PPRC1: variants seen among roughly 807,000 people sequenced by gnomAD.
PPRC1 encodes peroxisome proliferator-activated receptor gamma coactivator-related protein 1.
PPRC1 carries 23 observed loss-of-function variants against 132.5 expected under a neutral mutation model. The observed-to-expected ratio is 0.17, with a 90% CI of 0.12 to 0.25. The LOEUF is 0.25. Among genes scored for constraint, PPRC1 ranks in the 10% least tolerant of loss-of-function variants. The pLI is 1.00. For synonymous variants in PPRC1, 872 were observed against 833.5 expected (o/e 1.05, Z -0.80); for missense variants, 2,006 against 2,089.1 (o/e 0.96, Z 0.78).
At chr10:102,131,348 A>C (rs904142813), upstream of PPRC1, among the ~76,000 whole-genome samples, 1 of 151,788 alleles carries the variant, frequency 6.6e-6, no homozygotes, top group Non-Finnish European at 1.5e-5. Flanking sequence ...CGCACTCCAC[A>C]CTGCAGCCCT....
At chr10:102,129,192 A>G (rs545420317), upstream of PPRC1, among the ~76,000 whole-genome samples, 180 of 152,198 alleles carry the variant, frequency 1.2e-3, 1 homozygote, top group Non-Finnish European at 1.2e-3. Context: ...CGGCCTCCCA[A>G]AGTGCTGGGA....
At position 102,137,874 on chromosome 10, in the gene PPRC1, G is replaced by A; in HGVS notation, c.178G>A (p.Asp60Asn). 6.2e-7 allele frequency: 1 copy of A among 1,613,990 alleles called. No homozygotes were observed. The highest frequency in any genetic ancestry group is 8.5e-7 in the Non-Finnish European group (1 of 1,179,968). The change falls in exon 2 of 14, where the codon GAT becomes AAT. Residue 60 changes from aspartate to asparagine, a missense_variant. Transcript: ENST00000278070. ...EQVLLHEEAGDSGFVSLSRLG... is the reference protein window; with the variant it reads ...EQVLLHEEAGNSGFVSLSRLG... ...GGTGCTGCTGCATGAGGAGGCGGGT[G>A]ATTCTGGCTTTGTCAGTCTCTCTCG...
At chr10:102,139,028 G>A (rs2068834781) in intron 4 of PPRC1, 48 bp downstream of exon 4, 2 of 1,602,292 alleles carry the variant, frequency 1.2e-6, no homozygotes, top group Non-Finnish European at 1.7e-6. Flanking sequence ...GGGAGGAGGA[G>A]TGTGTGGGGA....
Position 102,140,691 on chromosome 10 carries a change from A to G in PPRC1, c.2183A>G (p.Glu728Gly). Reference protein sequence around the residue: ...PPKTIIPEVKEVVDSLKIESG... With the variant: ...PPKTIIPEVKGVVDSLKIESG... Reference sequence around the variant, plus strand: ...AAGACCATCATCCCTGAAGTCAAAGAGGTTGTGGATTCTCTGAAAATTGAA... The same window carrying G: ...AAGACCATCATCCCTGAAGTCAAAGGGGTTGTGGATTCTCTGAAAATTGAA... Residue 728 changes from glutamate to glycine, a missense_variant, in exon 5 of 14, where the codon GAG (glutamate) becomes GGG (glycine). Around this residue, in one of 2 missense-constraint regions of PPRC1, gnomAD observed 1,914 missense variants for 1,917.2 expected, o/e 1.00. Transcript: ENST00000278070. 1 of 1,614,108 alleles carries G rather than the reference A, an allele frequency of 6.2e-7. No individual in the cohort carries two copies. Among genetic ancestry groups the G allele is most frequent in the Non-Finnish European group, 8.5e-7 (1 of 1,180,022 alleles).
In PPRC1 at chr10:102,141,278, C is replaced by T. The variant is rs748039331; in HGVS notation, c.2770C>T (p.Pro924Ser). The T allele has an allele frequency of 2.5e-6, 4 of 1,613,912 alleles. No individual in the cohort carries two copies. The highest frequency in any genetic ancestry group is 2.5e-6 in the Non-Finnish European group (3 of 1,179,954). Residue 924 changes from proline (P) to serine (S), a missense_variant, in exon 5 of 14, where the codon CCT becomes TCT. This residue lies in a region of PPRC1 where 1,914 missense variants were observed against 1,917.2 expected (regional missense o/e 1.00). Transcript: ENST00000278070. ...TCACTATGCCCCCTTGCCATCCTGG[C>T]CTTGTTATCCTCATGTGTCCCCTTC... ...FTHYAPLPSW[P>S]CYPHVSPSGY... is the part of the protein sequence containing the mutation.
Position 102,150,085 on chromosome 10 carries a change from AC to A in PPRC1, c.*61del. ...CCTTTGGAGGTGCCCAACCTCCTCC[AC>A]CCCCTTCCCCTACTCTAGGGGAGAG... On this transcript the variant is annotated 3_prime_UTR_variant, in exon 14 of 14. Coordinates refer to ENST00000278070, the MANE Select transcript of PPRC1 (RefSeq NM_015062.5). 7.6e-7 allele frequency: 1 copy of A among 1,317,468 alleles called. No individual in the cohort carries two copies. Among genetic ancestry groups the A allele is most frequent in the Non-Finnish European group, 1.1e-6 (1 of 910,932 alleles). The allele number at this position is 1,317,468 out of a possible 1,614,324, so 81.6% of individuals were successfully genotyped here.
rs755979980 is a variant in PPRC1, at chr10:102,138,711, A to C, written c.435A>C (p.Pro145=). 3 of 1,614,182 alleles carry C rather than the reference A, an allele frequency of 1.9e-6. No homozygotes were observed. Among genetic ancestry groups the C allele is most frequent in the Non-Finnish European group, 2.5e-6 (3 of 1,180,022 alleles). ...LDNADSENLS[P]FDSIPDSELL... ...ATGCAGATTCTGAGAACCTTTCTCC[A>C]TTTGACAGCATTCCTGATTCGGAGC... Residue 145 remains proline, a synonymous_variant, in exon 3 of 14, where the codon CCA becomes CCC. Transcript: ENST00000278070.
At position 102,141,544 on chromosome 10, in the gene PPRC1, C is replaced by G; in HGVS notation, c.3036C>G (p.Pro1012=). The G allele has an allele frequency of 6.2e-7, 1 of 1,614,052 alleles. No homozygotes were observed. Among genetic ancestry groups the G allele is most frequent in the Non-Finnish European group, 8.5e-7 (1 of 1,180,030 alleles). Residue 1012 remains proline (P), a synonymous_variant, in exon 5 of 14, where the codon CCC becomes CCG. Coordinates refer to ENST00000278070, the MANE Select transcript of PPRC1 (RefSeq NM_015062.5). The part of the protein sequence containing the change: ...LPPASIGRAV[P]QPKMESRGTP... Reference sequence around the variant, plus strand: ...CAGCCTCCATTGGGAGAGCTGTTCCCCAACCTAAAATGGAGTCTAGGGGCA... The same window carrying G: ...CAGCCTCCATTGGGAGAGCTGTTCCGCAACCTAAAATGGAGTCTAGGGGCA...
Position 102,146,802 on chromosome 10 carries a change from GGCCAAACATCCA to G in PPRC1, c.3813_3824del (p.Lys1272_Ala1275del). On this transcript the variant is annotated inframe_deletion, in exon 9 of 14. Coordinates refer to ENST00000278070, the MANE Select transcript of PPRC1 (RefSeq NM_015062.5). ...CCCTGAAGCCTGAAGGAGTTACGGA[GGCCAAACATCCA>G]GCTGCAGTTCGCCTCCAAGAAGGGG... 1 of 1,614,082 alleles carries G rather than the reference GGCCAAACATCCA, an allele frequency of 6.2e-7. No homozygotes were observed. The highest frequency in any genetic ancestry group is 1.1e-5 in the South Asian group (1 of 91,078).
the PPRC1 span, among the ~76,000 whole-genome samples, chr10:102,126,119 C>T: frequency 2.0e-5 from 3 of 152,218 alleles, no homozygotes; most frequent in Non-Finnish European, 4.4e-5. Context: ...GCCTTGGCCT[C>T]CCAAAGTGCT....
At chr10:102,130,231 A>G (rs2068519243), upstream of PPRC1, among the ~76,000 whole-genome samples, 1 of 151,628 alleles carries the variant, frequency 6.6e-6, no homozygotes, top group Non-Finnish European at 1.5e-5. Context: ...CCTGGTTAAC[A>G]TGGTGAAACC....
At chr10:102,124,937 C>T in the PPRC1 span, among the ~76,000 whole-genome samples, 1 of 152,040 alleles carries the variant, frequency 6.6e-6, no homozygotes, top group Non-Finnish European at 1.5e-5. Context: ...TGAGCCACTG[C>T]CTGACCCTGG....
chr10:102,146,573 GTGAGA>G (rs1283080890), intron 8 of PPRC1, 94 bp from the exon 9 acceptor site: 1 of 1,458,220 alleles, frequency 6.9e-7, no homozygotes, highest in Non-Finnish European at 9.1e-7. Flanking sequence ...GGTGTACTTT[GTGAGA>G]TGAGGTGGGG....
chr10:102,137,605 A>G (rs1226449321), intron 1 of PPRC1, among the ~76,000 whole-genome samples: 1 of 151,656 alleles, frequency 6.6e-6, no homozygotes, highest in African/African-American at 2.4e-5. Context: ...TTAATCTGTG[A>G]CTCTAGCTGT....
chr10:102,129,669 T>A (rs185039502), upstream of PPRC1, among the ~76,000 whole-genome samples: 2 of 152,294 alleles, frequency 1.3e-5, no homozygotes, highest in Admixed American at 1.3e-4. Context: ...AGCAGCGTGA[T>A]CTTGGCTCAC....
chr10:102,140,910 C>G lies in PPRC1; in HGVS notation c.2402C>G (p.Pro801Arg), dbSNP rs752385060. Residue 801 changes from proline (P) to arginine (R), a missense_variant, in exon 5 of 14, where the codon CCA (proline) becomes CGA (arginine). By Grantham distance (103) the Pro-to-Arg change is moderately radical. Transcript: ENST00000278070. ...DIPCLVIPPA[P>R]AKKTALQRSP... ...CCTTGTCTTGTCATCCCACCAGCCC[C>G]AGCCAAGAAGACAGCTCTGCAGAGA... 39 of 1,613,976 alleles carry G rather than the reference C, an allele frequency of 2.4e-5. No homozygotes were observed. In the African/African-American group the frequency reaches 3.7e-4, roughly 15 times the overall value.
chr10:102,135,158 T>C (rs914225012), intron 1 of PPRC1, among the ~76,000 whole-genome samples: 1 of 152,210 alleles, frequency 6.6e-6, no homozygotes, highest in Non-Finnish European at 1.5e-5. Context: ...TTGGCAGTAG[T>C]GATCTACTTT....
At chr10:102,144,115 C>G (rs532710080) in intron 6 of PPRC1, 135 bp from the exon 7 acceptor site, 1 of 816,466 alleles carries the variant, frequency 1.2e-6, no homozygotes. Context: ...GAGACTAGAT[C>G]TCTTTGGGGA....
rs2069349370 is a variant in PPRC1 at position 102,148,247 on chromosome 10, C to G, written c.4401-125C>G. ...GAATGAAAATTGTTCTTCTAGACCT[C>G]TTCTACTCTGCTTTGTCTTTGGTCC... On this transcript the variant is annotated intron_variant, in intron 9 of 13. Transcript: ENST00000278070. This position sits in a 1 kb window ranked among gnomAD's most constrained non-coding sequence, Gnocchi z 4.2. The G allele has an allele frequency of 6.1e-6, 7 of 1,150,580 alleles. No individual in the cohort carries two copies. Among genetic ancestry groups the G allele is most frequent in the Non-Finnish European group, 8.7e-6 (7 of 806,080 alleles). The allele number at this position is 1,150,580 out of a possible 1,614,324, so 71.3% of individuals were successfully genotyped here. A position where few individuals can be genotyped will look rare whatever the true frequency, so the allele number is the denominator to read the frequency against.
Sources: allele counts gnomAD v4.1 joint callset (sites outside exome capture counted in the v4.1 genomes callset), GRCh38; gene constraint gnomAD v4.1.1; regional missense constraint gnomAD v4.1.1; non-coding constraint Gnocchi (gnomAD v3.1); transcripts MANE v1.5; gene names NCBI Gene and HGNC (gene_info 2026-07-23, HGNC 2026-07-21).